Variants in CACNA1G observed in about 807,000 individuals in gnomAD.
CACNA1G encodes voltage-dependent T-type calcium channel subunit alpha-1G.
A neutral mutation model predicts 219.4 loss-of-function variants in CACNA1G; 67 were observed. That is an observed-to-expected ratio of 0.31 (90% CI 0.25 to 0.37). The LOEUF is 0.37. Ranked by LOEUF, CACNA1G falls within the 10% of genes least tolerant of loss-of-function variation. The pLI is 1.00. For synonymous variants in CACNA1G, 1,296 were observed against 1,345.3 expected (o/e 0.96, Z 0.80); for missense variants, 2,380 against 3,231.4 (o/e 0.74, Z 6.39).
chr17:50,568,786 T>C, intron 1 of CACNA1G, 84 bp from the exon 2 acceptor site: 2 of 1,032,852 alleles, frequency 1.9e-6, no homozygotes, highest in South Asian at 2.6e-5. Flanking sequence ...AGCCAGGAGG[T>C]AAACGAGGAG....
chr17:50,620,254 A>G (rs1381052543), intron 34 of CACNA1G, among the ~76,000 whole-genome samples: 21 of 152,182 alleles, frequency 1.4e-4, no homozygotes, highest in Admixed American at 1.2e-3. Flanking sequence ...CAGTCTCTCT[A>G]TCTGCTCGTG....
intron 13 of CACNA1G, among the ~76,000 whole-genome samples, chr17:50,594,706 A>C (rs532657815): frequency 6.6e-6 from 1 of 152,268 alleles, no homozygotes; most frequent in South Asian, 2.1e-4. Flanking sequence ...CACACCCTTA[A>C]TGAATGGTGG....
intron 1 of CACNA1G, among the ~76,000 whole-genome samples, chr17:50,566,166 G>A (rs1388744607): frequency 6.6e-6 from 1 of 152,092 alleles, no homozygotes; most frequent in East Asian, 1.9e-4. Context: ...ATGTGAGAGG[G>A]GTCTTTTTAA....
At chr17:50,590,879 T>A (rs1204448016) in intron 10 of CACNA1G, among the ~76,000 whole-genome samples, 1 of 152,116 alleles carries the variant, frequency 6.6e-6, no homozygotes. Context: ...TTTAGTCTCC[T>A]CTCTCCACTT....
At chr17:50,624,651 G>A (rs1678100205) in intron 37 of CACNA1G, 122 bp downstream of exon 37, 4 of 1,040,044 alleles carry the variant, frequency 3.8e-6, no homozygotes. Flanking sequence ...GATGTGCCAG[G>A]CTCAGTTGCA....
In CACNA1G at chr17:50,578,083, C is replaced by T. The variant is rs890714327; in HGVS notation, c.1925-105C>T. The T allele has an allele frequency of 1.5e-5, 21 of 1,379,064 alleles. No individual in the cohort carries two copies. Among genetic ancestry groups the T allele is most frequent in the Non-Finnish European group, 2.0e-5 (21 of 1,039,486 alleles). The allele number at this position is 1,379,064 out of a possible 1,614,324, so 85.4% of individuals were successfully genotyped here. Reference sequence around the variant, plus strand: ...CCACTAAGTGCCTAGCACCCCATCACTGTAACAACCCCAGACTCCCTGACT... The same window carrying T: ...CCACTAAGTGCCTAGCACCCCATCATTGTAACAACCCCAGACTCCCTGACT... On this transcript the variant is annotated intron_variant, in intron 8 of 37. Transcript: ENST00000359106. This position sits in a 1 kb window ranked among gnomAD's most constrained non-coding sequence, Gnocchi z 4.5.
At chr17:50,582,308 G>A (rs1202080165) in intron 9 of CACNA1G, among the ~76,000 whole-genome samples, 2 of 152,154 alleles carry the variant, frequency 1.3e-5, no homozygotes, top group African/African-American at 2.4e-5. Context: ...CACAGTATGA[G>A]GGCTCCGGCA....
At chr17:50,607,678 T>C (rs1313141371) in intron 24 of CACNA1G, 149 bp from the exon 25 acceptor site, 8 of 651,514 alleles carry the variant, frequency 1.2e-5, no homozygotes, top group Non-Finnish European at 2.2e-5. Flanking sequence ...CCCTCCCTAC[T>C]GCTTCACATC....
chr17:50,611,636 T>C (rs2049234075), intron 26 of CACNA1G, among the ~76,000 whole-genome samples: 2 of 152,170 alleles, frequency 1.3e-5, no homozygotes, highest in Non-Finnish European at 2.9e-5. Flanking sequence ...TCCTGACTTG[T>C]TAGGGGATGA....
Position 50,596,747 on chromosome 17 carries a change from C to T in CACNA1G, c.3082C>T (p.His1028Tyr), listed in dbSNP as rs778361579. 2.5e-6 allele frequency: 4 copies of T among 1,613,446 alleles called. No homozygotes were observed. Among genetic ancestry groups the T allele is most frequent in the Non-Finnish European group, 3.4e-6 (4 of 1,179,800 alleles). ...KCLALVSLGEHPELRKSLLPP... is the reference protein window; with the variant it reads ...KCLALVSLGEYPELRKSLLPP... ...CCGTGCAGTGGTGTCCCTGGGAGAG[C>T]ACCCGGAGCTGCGGAAGAGCCTGCT... is the stretch of plus-strand genomic sequence containing the variant. Residue 1028 changes from histidine to tyrosine, a missense_variant, in exon 16 of 38, where the codon CAC becomes TAC. His to Tyr is a moderately conservative substitution (Grantham distance 83, BLOSUM62 2). Transcript: ENST00000359106. The surrounding 1 kb of genome is among the most constrained non-coding windows in gnomAD (Gnocchi z 4.8).
chr17:50,618,864 C>A lies in CACNA1G; in HGVS notation c.5637C>A (p.Ser1879Arg), dbSNP rs774882008. 19 of 1,613,092 alleles carry A rather than the reference C, an allele frequency of 1.2e-5. No individual in the cohort carries two copies. In the South Asian group the frequency reaches 2.1e-4, roughly 18 times the overall value. The change falls in exon 33 of 38, where the codon AGC becomes AGA. Residue 1879 changes from serine (S) to arginine (R), a missense_variant. Coordinates refer to ENST00000359106, the MANE Select transcript of CACNA1G (RefSeq NM_018896.5). The surrounding 1 kb of genome is among the most constrained non-coding windows in gnomAD (Gnocchi z 5.3). Reference sequence around the variant, plus strand: ...TGGAGCTGGAGATGAAGACCCTCAGCCCCCAGCCCCACTCGCCACTGGGCA... The same window carrying A: ...TGGAGCTGGAGATGAAGACCCTCAGACCCCAGCCCCACTCGCCACTGGGCA... ...AELELEMKTLSPQPHSPLGSP... is the reference protein window; with the variant it reads ...AELELEMKTLRPQPHSPLGSP...
At chr17:50,567,265 A>AG (rs1481605721) in intron 1 of CACNA1G, among the ~76,000 whole-genome samples, 6 of 151,938 alleles carry the variant, frequency 3.9e-5, no homozygotes, top group Non-Finnish European at 8.8e-5. Context: ...TATTCTTGTG[A>AG]GGGGGTGGGG....
chr17:50,613,160 C>T (rs530499893), intron 26 of CACNA1G, among the ~76,000 whole-genome samples: 5 of 152,304 alleles, frequency 3.3e-5, no homozygotes, highest in Admixed American at 1.3e-4. Flanking sequence ...GGGTCCAGCT[C>T]GGTCATGCCT....
At position 50,596,582 on chromosome 17, in the gene CACNA1G, A is replaced by C. The variant is rs201323872; in HGVS notation, c.3000A>C (p.Glu1000Asp). The C allele has an allele frequency of 7.8e-5, 126 of 1,613,938 alleles. No individual in the cohort carries two copies. The highest frequency in any genetic ancestry group is 3.3e-4 in the Middle Eastern group (2 of 6,062). Reference sequence around the variant, plus strand: ...CCTAGGGAGATGCCAACAAGTCCGAATCAGAGCCCGATTTCTTCTCACCCA... The same window carrying C: ...CCTAGGGAGATGCCAACAAGTCCGACTCAGAGCCCGATTTCTTCTCACCCA... ...DSQGGDANKS[E>D]SEPDFFSPSL... The change falls in exon 15 of 38, where the codon GAA becomes GAC. Residue 1000 changes from glutamate to aspartate, a missense_variant. Glu to Asp is a conservative substitution (Grantham distance 45, BLOSUM62 2). Around this residue, in one of 17 missense-constraint regions of CACNA1G, gnomAD observed 418 missense variants for 434.3 expected, o/e 0.96. Transcript: ENST00000359106. The surrounding 1 kb of genome is among the most constrained non-coding windows in gnomAD (Gnocchi z 4.8).
intron 7 of CACNA1G, chr17:50,573,328 G>A: frequency 1.9e-6 from 1 of 538,356 alleles, no homozygotes; most frequent in South Asian, 2.4e-5. Context: ...TGGGACCTTG[G>A]GCAAGTCATT....
chr17:50,572,098 C>A (rs1009016606), intron 5 of CACNA1G, 61 bp downstream of exon 5: 1 of 1,534,376 alleles, frequency 6.5e-7, no homozygotes, highest in Non-Finnish European at 8.9e-7. Flanking sequence ...GGCACCCCCC[C>A]AAGTTCCTCA....
intron 1 of CACNA1G, among the ~76,000 whole-genome samples, chr17:50,564,125 AGTGTGTGTGTGTGTGTGT>A (rs67152102): frequency 5.8e-5 from 8 of 138,702 alleles, no homozygotes; most frequent in Non-Finnish European, 9.2e-5. Context: ...CCAGGTAGGA[AGTGTGTGTGTGTGTGTGT>A]GTGTGTGTGT....
chr17:50,622,926 A>T (rs1165560564), intron 35 of CACNA1G, among the ~76,000 whole-genome samples: 1 of 151,752 alleles, frequency 6.6e-6, no homozygotes, highest in Admixed American at 6.6e-5. Context: ...AACTCACCTG[A>T]ACCCAACCCA....
intron 9 of CACNA1G, among the ~76,000 whole-genome samples, chr17:50,583,908 A>G (rs144192717): frequency 1.8e-4 from 27 of 152,186 alleles, no homozygotes; most frequent in African/African-American, 6.0e-4. Flanking sequence ...TCAGAGGCAA[A>G]GAGGGCCCCA....
Sources: gnomAD v4.1 joint callset for allele counts (sites outside exome capture counted in the v4.1 genomes callset) on GRCh38, gnomAD v4.1.1 for gene constraint, gnomAD v4.1.1 regional missense constraint, Gnocchi (gnomAD v3.1) non-coding constraint, MANE v1.5 for transcripts, NCBI Gene and HGNC (gene_info 2026-07-23, HGNC 2026-07-21) for gene names.